OTC: variants seen among roughly 807,000 people sequenced by gnomAD.
OTC encodes the protein ornithine transcarbamylase.
In OTC, 3 loss-of-function variants were observed where a neutral mutation model predicts 30.3. The ratio of observed to expected loss-of-function variants is 0.10; its 90% CI spans 0.05 to 0.26. The LOEUF (loss-of-function observed/expected upper bound fraction) is 0.26. OTC is among the 10% of genes least tolerant of loss of function. The pLI is 1.00. For synonymous variants in OTC, 111 were observed against 99.7 expected (o/e 1.11, Z -0.67); for missense variants, 194 against 260.3 (o/e 0.75, Z 1.75).
chrX:38,340,465 T>TG, the OTC span, among the ~76,000 whole-genome samples: 3 of 91,508 alleles, frequency 3.3e-5, no homozygotes, highest in African/African-American at 1.3e-4. Flanking sequence ...TTTTGTTTTT[T>TG]TTTTTTTGTT....
the OTC span, among the ~76,000 whole-genome samples, chrX:38,343,156 G>A: frequency 3.6e-5 from 4 of 111,825 alleles, no homozygotes; most frequent in African/African-American, 1.3e-4. Flanking sequence ...TTATTACTGG[G>A]ACAGTGCTCC....
intron 3 of OTC, 94 bp downstream of exon 3, chrX:38,369,971 C>A: frequency 1.8e-6 from 1 of 546,032 alleles, no homozygotes; most frequent in Non-Finnish European, 3.2e-6. Context: ...TTGTCTGCCT[C>A]TAGCAACCAC....
chrX:38,417,611 A>G (rs142196883), intron 9 of OTC, among the ~76,000 whole-genome samples: 1 of 111,995 alleles, frequency 8.9e-6, no homozygotes, highest in Non-Finnish European at 1.9e-5. Flanking sequence ...ATGTACATAC[A>G]GCACTCAGCA....
intron 9 of OTC, among the ~76,000 whole-genome samples, chrX:38,418,200 A>G (rs1303034045): frequency 8.9e-6 from 1 of 111,922 alleles, no homozygotes; most frequent in Non-Finnish European, 1.9e-5. Flanking sequence ...GTGTGGTGAT[A>G]TCTCATTGTG....
intron 3 of OTC, among the ~76,000 whole-genome samples, chrX:38,378,341 G>A (rs2068359281): frequency 9.5e-6 from 1 of 105,472 alleles, no homozygotes; most frequent in African/African-American, 3.5e-5. Flanking sequence ...CTCCTTCCCT[G>A]CTCTGTATTT....
At chrX:38,415,098 A>G (rs1199370158) in intron 9 of OTC, among the ~76,000 whole-genome samples, 1 of 110,347 alleles carries the variant, frequency 9.1e-6, no homozygotes, top group African/African-American at 3.3e-5. Context: ...TTATTTTTTG[A>G]GACAGAGTCT....
At chrX:38,409,414 C>G (rs1438806872) in intron 8 of OTC, among the ~76,000 whole-genome samples, 1 of 112,669 alleles carries the variant, frequency 8.9e-6, no homozygotes, top group Non-Finnish European at 1.9e-5. Flanking sequence ...CTCTATTTTC[C>G]AAGGACCTCT....
At chrX:38,392,645 C>G (rs2068434515) in intron 4 of OTC, among the ~76,000 whole-genome samples, 2 of 112,139 alleles carry the variant, frequency 1.8e-5, no homozygotes, top group African/African-American at 3.2e-5. Flanking sequence ...AACTAATTGT[C>G]TAGTTAAGTG....
chrX:38,340,012 ATAAAGT>A, the OTC span, among the ~76,000 whole-genome samples: 1 of 112,558 alleles, frequency 8.9e-6, no homozygotes, highest in African/African-American at 3.2e-5. Flanking sequence ...TACTCACTTA[ATAAAGT>A]TAAGGAATAG....
chrX:38,372,367 T>C (rs1477580738), intron 3 of OTC, among the ~76,000 whole-genome samples: 1 of 111,754 alleles, frequency 8.9e-6, no homozygotes, highest in Non-Finnish European at 1.9e-5. Context: ...ACCTAATAAA[T>C]GGCAGACCCA....
intron 4 of OTC, among the ~76,000 whole-genome samples, chrX:38,384,287 A>G (rs190825184): frequency 3.6e-5 from 4 of 112,089 alleles, no homozygotes; most frequent in African/African-American, 1.3e-4. Context: ...CAAGCATAGT[A>G]CAATATCAGA....
Position 38,352,792 on chromosome X carries a change from C to T in OTC, c.77+19C>T. The T allele has an allele frequency of 1.8e-6, 2 of 1,141,383 alleles. No individual in the cohort carries two copies. Among genetic ancestry groups the T allele is most frequent in the Non-Finnish European group, 2.4e-6 (2 of 831,302 alleles). 94.1% of individuals were successfully genotyped at this position (1,141,383 alleles called of 1,213,427 possible). A position where few individuals can be genotyped will look rare whatever the true frequency, so the allele number is the denominator to read the frequency against. ...ATTTTCGGTAAGTGATGGTCAGAGACTTGGGTTTGATTTAGGAATCATGGT... is the reference window on the plus strand; with the variant it reads ...ATTTTCGGTAAGTGATGGTCAGAGATTTGGGTTTGATTTAGGAATCATGGT... On this transcript the variant is annotated intron_variant, in intron 1 of 9. Transcript: ENST00000039007.
intron 4 of OTC, among the ~76,000 whole-genome samples, chrX:38,385,152 C>T (rs7056382): frequency 2.7e-4 from 30 of 111,281 alleles, no homozygotes; most frequent in African/African-American, 3.6e-4. Context: ...CACCTGTAAT[C>T]CCAGCTACTC....
rs777210088 is a variant in OTC, at chrX:38,409,021, T to G, written c.863T>G (p.Met288Arg). The G allele has an allele frequency of 3.4e-5, 41 of 1,209,209 alleles. No individual in the cohort carries two copies. The highest frequency in any genetic ancestry group is 4.4e-5 in the Non-Finnish European group (39 of 894,648). ...GCTTTCCAAGGTTACCAGGTTACAA[T>G]GAAGGTACAAATTGATGCCTCTCTG... ...LQAFQGYQVT[M>R]KTAKVAASDW... is the part of the protein sequence containing the mutation. The change falls in exon 8 of 10, where the codon ATG (methionine) becomes AGG (arginine). Residue 288 changes from methionine to arginine, a missense_variant. Physicochemically the swap from Met to Arg is moderately conservative, Grantham distance 91. Transcript: ENST00000039007.
At chrX:38,386,124 C>G (rs1239332474) in intron 4 of OTC, among the ~76,000 whole-genome samples, 3 of 106,769 alleles carry the variant, frequency 2.8e-5, no homozygotes, top group Non-Finnish European at 5.8e-5. Context: ...CCTGTAATCC[C>G]AGCACCTTGG....
At chrX:38,405,368 C>G (rs955052436) in intron 6 of OTC, among the ~76,000 whole-genome samples, 1 of 111,648 alleles carries the variant, frequency 9.0e-6, no homozygotes, top group Admixed American at 9.5e-5. Context: ...CACACTCCCT[C>G]GGAAGCCTCT....
At chrX:38,373,445 C>T (rs1189224114) in intron 3 of OTC, among the ~76,000 whole-genome samples, 2 of 112,517 alleles carry the variant, frequency 1.8e-5, no homozygotes, top group Non-Finnish European at 3.7e-5. Flanking sequence ...TATGAGTCTA[C>T]CAATGATAAT....
chrX:38,410,719 C>G (rs980362585), intron 8 of OTC, among the ~76,000 whole-genome samples: 7 of 111,974 alleles, frequency 6.3e-5, no homozygotes, highest in Non-Finnish European at 1.3e-4. Context: ...TTCATACTTA[C>G]ACTTGCTTGG....
intron 1 of OTC, among the ~76,000 whole-genome samples, chrX:38,359,610 G>A (rs2068260222): frequency 9.1e-6 from 1 of 110,133 alleles, no homozygotes; most frequent in Non-Finnish European, 1.9e-5. Context: ...TAGTAGAGAC[G>A]GGGTTTCATC....
Sources: allele counts gnomAD v4.1 joint callset (sites outside exome capture counted in the v4.1 genomes callset), GRCh38; gene constraint gnomAD v4.1.1; transcripts MANE v1.5; gene names NCBI Gene and HGNC (gene_info 2026-07-23, HGNC 2026-07-21).